DARS1: variants seen among roughly 807,000 people sequenced by gnomAD.
DARS1 encodes aspartate--tRNA ligase, cytoplasmic.
A neutral mutation model predicts 68.8 loss-of-function variants in DARS1; 51 were observed. That is an observed-to-expected ratio of 0.74 (90% CI 0.59 to 0.94). The LOEUF is 0.94. DARS1 is among the 40% of genes least tolerant of loss of function. The pLI, the probability that DARS1 is intolerant of heterozygous loss-of-function variation, is 0.00. For synonymous variants in DARS1, 203 were observed against 190.4 expected (o/e 1.07, Z -0.55); for missense variants, 607 against 597.3 (o/e 1.02, Z -0.17).
chr2:135,935,134 C>T (rs1681439563), intron 5 of DARS1, among the ~76,000 whole-genome samples: 2 of 152,120 alleles, frequency 1.3e-5, no homozygotes. Context: ...CTGCCACTGC[C>T]ACCACTAGGA....
At chr2:135,945,709 C>T (rs1202030683) in intron 4 of DARS1, among the ~76,000 whole-genome samples, 3 of 152,146 alleles carry the variant, frequency 2.0e-5, no homozygotes, top group African/African-American at 7.2e-5. Context: ...ACATTGTTTC[C>T]AGGACGAAAC....
At chr2:135,978,165 A>C (rs1303721939) in intron 3 of DARS1, among the ~76,000 whole-genome samples, 2 of 145,468 alleles carry the variant, frequency 1.4e-5, no homozygotes, top group African/African-American at 5.1e-5. Context: ...AAAAAAAAAA[A>C]GAAAAAAAGA....
chr2:135,979,601 C>G (rs1682577979), intron 2 of DARS1, among the ~76,000 whole-genome samples: 2 of 152,188 alleles, frequency 1.3e-5, no homozygotes, highest in Admixed American at 6.5e-5. Flanking sequence ...CTACCATCTT[C>G]ACTGCCGCCA....
At chr2:135,923,209 A>T (rs1368116403) in intron 8 of DARS1, among the ~76,000 whole-genome samples, 7 of 151,046 alleles carry the variant, frequency 4.6e-5, no homozygotes, top group African/African-American at 9.7e-5. Context: ...AGTTGTTAAA[A>T]TTTTTTTTTT....
At chr2:135,918,405 T>TA (rs1232487951) in intron 10 of DARS1, among the ~76,000 whole-genome samples, 2 of 152,066 alleles carry the variant, frequency 1.3e-5, no homozygotes, top group African/African-American at 4.8e-5. Flanking sequence ...AATACATTTG[T>TA]ATATGTATTT....
At chr2:135,926,970 T>C (rs1681231851) in intron 7 of DARS1, among the ~76,000 whole-genome samples, 1 of 152,188 alleles carries the variant, frequency 6.6e-6, no homozygotes, top group Admixed American at 6.5e-5. Context: ...TCAAAAAGCA[T>C]TATCATTACA....
Position 135,961,443 on chromosome 2 carries a change from C to T in DARS1, c.273G>A (p.Val91=). 1 of 1,564,418 alleles carries T rather than the reference C, an allele frequency of 6.4e-7. No homozygotes were observed. The highest frequency in any genetic ancestry group is 1.1e-5 in the South Asian group (1 of 90,128). The change falls in exon 4 of 16, where the codon GTG becomes GTA. Residue 91 remains valine, a synonymous_variant. Coordinates refer to ENST00000264161, the MANE Select transcript of DARS1 (RefSeq NM_001349.4). ...GCTTGCTTGCATGGTCTCCCACCGC[C>T]ACAAGAGCCTGGACATTAAACTGCT... ...RQQQFNVQAL[V]AVGDHASKQM... is the part of the protein sequence containing the mutation.
chr2:135,969,304 CTG>C (rs1682312487), intron 3 of DARS1, among the ~76,000 whole-genome samples: 5 of 151,872 alleles, frequency 3.3e-5, no homozygotes, highest in African/African-American at 1.2e-4. Flanking sequence ...ATAAAACAAA[CTG>C]TGTGTGTGGG....
intron 3 of DARS1, among the ~76,000 whole-genome samples, chr2:135,978,330 C>T (rs964153372): frequency 1.3e-5 from 2 of 151,954 alleles, no homozygotes; most frequent in African/African-American, 2.4e-5. Flanking sequence ...TTAAATACTA[C>T]AGAAGCAAAG....
At position 135,932,811 on chromosome 2, in the gene DARS1, CT is replaced by C; in HGVS notation, c.535del (p.Arg179AspfsTer2). ...EGRATVNQDT[R>X]LDNRVIDLRT... ...AAGATCAATGACTCTGTTGTCTAAT[CT>C]TGTATCCTGGTTAACAGTAGCTCTT... is the stretch of plus-strand genomic sequence containing the variant. On this transcript the variant is annotated frameshift_variant, in exon 7 of 16. Transcript: ENST00000264161. LOFTEE classifies it high-confidence loss of function. 1 of 1,310,792 alleles carries C rather than the reference CT, an allele frequency of 7.6e-7. No individual in the cohort carries two copies. Among genetic ancestry groups the C allele is most frequent in the Non-Finnish European group, 1.1e-6 (1 of 913,506 alleles). 81.2% of individuals were successfully genotyped at this position (1,310,792 alleles called of 1,614,324 possible). A position where few individuals can be genotyped will look rare whatever the true frequency, so the allele number is the denominator to read the frequency against.
intron 4 of DARS1, among the ~76,000 whole-genome samples, chr2:135,944,856 C>G (rs1190901326): frequency 1.3e-5 from 2 of 152,176 alleles, no homozygotes; most frequent in African/African-American, 2.4e-5. Context: ...AATGTGATAA[C>G]TGAGTGTATA....
intron 4 of DARS1, among the ~76,000 whole-genome samples, chr2:135,960,931 T>TA (rs1429169342): frequency 1.3e-5 from 2 of 152,256 alleles, no homozygotes; most frequent in Admixed American, 1.3e-4. Context: ...CTAAAAGTTG[T>TA]AAAACATTTG....
intron 7 of DARS1, among the ~76,000 whole-genome samples, chr2:135,931,718 C>T (rs1015627707): frequency 2.0e-4 from 31 of 152,088 alleles, no homozygotes; most frequent in African/African-American, 7.5e-4. Flanking sequence ...AAGCAAAAGA[C>T]AGTGTAAGAA....
chr2:135,979,165 A>G (rs1167861193), intron 3 of DARS1, 109 bp downstream of exon 3: 2 of 683,386 alleles, frequency 2.9e-6, no homozygotes, highest in Non-Finnish European at 5.2e-6. Flanking sequence ...AAGAAAAGTT[A>G]CATGTTTTTG....
At chr2:135,972,655 A>T (rs1055164866) in intron 3 of DARS1, among the ~76,000 whole-genome samples, 2 of 152,242 alleles carry the variant, frequency 1.3e-5, no homozygotes, top group African/African-American at 2.4e-5. Flanking sequence ...AGAATGGGAC[A>T]AAGTATTTAC....
chr2:135,966,229 A>T (rs1682233232), intron 3 of DARS1, among the ~76,000 whole-genome samples: 1 of 151,630 alleles, frequency 6.6e-6, no homozygotes, highest in Non-Finnish European at 1.5e-5. Flanking sequence ...TGCAGGGAAG[A>T]GACTGTGGTG....
At chr2:135,953,291 A>G (rs906346803) in intron 4 of DARS1, among the ~76,000 whole-genome samples, 1 of 152,250 alleles carries the variant, frequency 6.6e-6, no homozygotes, top group African/African-American at 2.4e-5. Context: ...GCCTGCAATT[A>G]GATGTGTTAA....
chr2:135,983,919 G>A (rs773450415), intron 1 of DARS1, among the ~76,000 whole-genome samples: 1 of 152,154 alleles, frequency 6.6e-6, no homozygotes, highest in Non-Finnish European at 1.5e-5. Context: ...GATGTCCACA[G>A]TTTTTAGAAA....
At chr2:135,907,527 G>T (rs1238305260) in intron 15 of DARS1, 120 bp from the exon 16 acceptor site, 1 of 621,412 alleles carries the variant, frequency 1.6e-6, no homozygotes, top group Non-Finnish European at 2.7e-6. Flanking sequence ...GAAAGAAAAT[G>T]ACTCTTATTA....
Sources: gnomAD v4.1 joint callset for allele counts (sites outside exome capture counted in the v4.1 genomes callset) on GRCh38, gnomAD v4.1.1 for gene constraint, MANE v1.5 for transcripts, NCBI Gene and HGNC (gene_info 2026-07-23, HGNC 2026-07-21) for gene names.